SLC14A2: variants seen among roughly 807,000 people sequenced by gnomAD.
SLC14A2 encodes solute carrier family 14 member 2, also known as urea transporter 2.
In SLC14A2, 91 loss-of-function variants were observed where a neutral mutation model predicts 104.6. That is an observed-to-expected ratio of 0.87 (90% CI 0.73 to 1.04). SLC14A2 has a LOEUF of 1.04. Among genes scored for constraint, SLC14A2 ranks in the 50% least tolerant of loss-of-function variants. The pLI, the probability that SLC14A2 is intolerant of heterozygous loss-of-function variation, is 0.00. For missense variants in SLC14A2, 1,189 were observed against 1,156.0 expected (o/e 1.03, Z -0.41); for synonymous variants, 476 against 466.4 (o/e 1.02, Z -0.27).
chr18:45,600,653 G>A (rs1365319690), intron 2 of SLC14A2, among the ~76,000 whole-genome samples: 4 of 152,250 alleles, frequency 2.6e-5, no homozygotes, highest in South Asian at 4.1e-4. Flanking sequence ...TGAGGAAGAG[G>A]CTGGGCAGGT....
chr18:45,651,220 T>C (rs1265691670), intron 10 of SLC14A2, among the ~76,000 whole-genome samples: 2 of 152,082 alleles, frequency 1.3e-5, no homozygotes, highest in African/African-American at 4.8e-5. Context: ...ACAGTTCTGA[T>C]GAAAGGGGAA....
chr18:45,443,998 G>A (rs1044964950), intron 1 of SLC14A2, among the ~76,000 whole-genome samples: 3 of 152,090 alleles, frequency 2.0e-5, no homozygotes, highest in Admixed American at 1.3e-4. Flanking sequence ...CATGGAGAGT[G>A]GGTCCCTGGA....
chr18:45,530,724 G>T (rs945977463), intron 2 of SLC14A2, among the ~76,000 whole-genome samples: 1 of 152,048 alleles, frequency 6.6e-6, no homozygotes, highest in Non-Finnish European at 1.5e-5. Context: ...TATACTTTAA[G>T]TTTTAGGGTA....
chr18:45,404,158 C>T (rs1221255332), intron 1 of SLC14A2, among the ~76,000 whole-genome samples: 1 of 152,190 alleles, frequency 6.6e-6, no homozygotes, highest in Non-Finnish European at 1.5e-5. Flanking sequence ...CCATCTGAAC[C>T]TTACCTCAGT....
intron 1 of SLC14A2, among the ~76,000 whole-genome samples, chr18:45,415,282 T>C (rs1213115660): frequency 1.3e-5 from 2 of 152,142 alleles, no homozygotes; most frequent in African/African-American, 2.4e-5. Flanking sequence ...GGTGTGTTTC[T>C]ATCCTCATTC....
At chr18:45,334,924 G>A (rs1000154801) in intron 1 of SLC14A2, among the ~76,000 whole-genome samples, 3 of 152,180 alleles carry the variant, frequency 2.0e-5, no homozygotes, top group East Asian at 1.9e-4. Context: ...CCCTCTTCTC[G>A]CTAAATGTTC....
In SLC14A2 at chr18:45,459,567, G is replaced by A. The variant is rs904626260; in HGVS notation, c.-124-23666G>A. On this transcript the variant is annotated intron_variant, in intron 1 of 20. Transcript: ENST00000586448. ...CTTAGTTCTCTCAACCAAGAAGAAA[G>A]GAAGGTGAGCAGCTGGACTGAAAGC... 2.6e-5 allele frequency among the ~76,000 whole-genome samples: 4 copies of A among 152,180 alleles called. No individual in the cohort carries two copies. The East Asian group carries it at 7.7e-4, about 29-fold the overall frequency.
intron 2 of SLC14A2, among the ~76,000 whole-genome samples, chr18:45,514,235 G>A (rs982526475): frequency 6.6e-6 from 1 of 152,192 alleles, no homozygotes; most frequent in Non-Finnish European, 1.5e-5. Context: ...GAGGCCTCAG[G>A]AAACTTACAA....
chr18:45,541,046 C>G (rs187503551), intron 2 of SLC14A2, among the ~76,000 whole-genome samples: 4 of 152,248 alleles, frequency 2.6e-5, no homozygotes, highest in African/African-American at 9.6e-5. Context: ...GCTCAGGATG[C>G]CTTAAGCACA....
chr18:45,418,016 C>T (rs2086296954), intron 1 of SLC14A2, among the ~76,000 whole-genome samples: 1 of 152,180 alleles, frequency 6.6e-6, no homozygotes, highest in Non-Finnish European at 1.5e-5. Context: ...GACTTGGGTG[C>T]AGCTATTCAG....
At chr18:45,625,004 T>C (rs1485091189) in intron 2 of SLC14A2, among the ~76,000 whole-genome samples, 190 bp downstream of exon 2, 1 of 152,214 alleles carries the variant, frequency 6.6e-6, no homozygotes, top group Non-Finnish European at 1.5e-5. Flanking sequence ...GACATGATTT[T>C]AAGGACAAGT....
chr18:45,525,017 C>A (rs1267848011), intron 2 of SLC14A2, among the ~76,000 whole-genome samples: 1 of 152,144 alleles, frequency 6.6e-6, no homozygotes, highest in East Asian at 1.9e-4. Flanking sequence ...AGCTTATGGG[C>A]AGCTTTTAAT....
At chr18:45,285,482 A>G (rs2084804146) in intron 1 of SLC14A2, among the ~76,000 whole-genome samples, 1 of 152,070 alleles carries the variant, frequency 6.6e-6, no homozygotes, top group South Asian at 2.1e-4. Context: ...CAGTGGTGCA[A>G]TCTCGGCTCA....
At chr18:45,581,582 C>T (rs1436960694) in intron 2 of SLC14A2, among the ~76,000 whole-genome samples, 2 of 152,170 alleles carry the variant, frequency 1.3e-5, no homozygotes, top group Non-Finnish European at 2.9e-5. Context: ...TTTAATCCTG[C>T]CTCTGCCACT....
chr18:45,528,364 A>G (rs1181657451), intron 2 of SLC14A2: 1 of 152,054 alleles, frequency 6.6e-6, no homozygotes, highest in African/African-American at 2.4e-5. Context: ...TGACTTCAAA[A>G]TTGATGTAGA....
intron 2 of SLC14A2, among the ~76,000 whole-genome samples, chr18:45,595,532 C>T (rs2044709017): frequency 6.6e-6 from 1 of 152,086 alleles, no homozygotes; most frequent in African/African-American, 2.4e-5. Context: ...CTGGGGTACG[C>T]AGGCATTAAG....
intron 2 of SLC14A2, among the ~76,000 whole-genome samples, chr18:45,549,829 C>T (rs1325843793): frequency 2.0e-5 from 3 of 152,168 alleles, no homozygotes; most frequent in Non-Finnish European, 2.9e-5. Flanking sequence ...CCATCCAGTA[C>T]AGTAGATGGC....
chr18:45,255,201 A>C (rs1275586022), intron 1 of SLC14A2, among the ~76,000 whole-genome samples: 1 of 151,628 alleles, frequency 6.6e-6, no homozygotes, highest in African/African-American at 2.4e-5. Context: ...ATCCACCCAG[A>C]CTTTCTCCCT....
In SLC14A2 at chr18:45,235,290, T is replaced by G. The variant is rs1170792063; in HGVS notation, c.-125+22099T>G. ...CATTAAAATGCTTTATTTTTATTAT[T>G]TTGACACACAATAATTGTGCATATT... On this transcript the variant is annotated intron_variant, in intron 1 of 20. Coordinates refer to the SLC14A2 transcript ENST00000586448. Among the ~76,000 whole-genome samples the G allele has an allele frequency of 2.0e-5, 3 of 152,306 alleles. No homozygotes were observed. In the East Asian group the frequency reaches 5.8e-4, roughly 29 times the overall value.
Sources: allele counts gnomAD v4.1 joint callset (sites outside exome capture counted in the v4.1 genomes callset), GRCh38; gene constraint gnomAD v4.1.1; transcripts MANE v1.5; gene names NCBI Gene and HGNC (gene_info 2026-07-23, HGNC 2026-07-21).